TMEM117: variants seen among roughly 807,000 people sequenced by gnomAD.
The protein encoded by TMEM117 is transmembrane protein 117.
In TMEM117, 27 loss-of-function variants were observed where a neutral mutation model predicts 52.4. The observed-to-expected ratio is 0.51, with a 90% CI of 0.38 to 0.71. The LOEUF is 0.71. Among genes scored for constraint, TMEM117 ranks in the 30% least tolerant of loss-of-function variants. The pLI is 0.00. For missense variants in TMEM117, 556 were observed against 630.5 expected, an observed-to-expected ratio of 0.88 and a Z score of 1.26; for synonymous variants, 215 against 206.3, an observed-to-expected ratio of 1.04 and a Z score of -0.36.
At chr12:44,310,505 G>T (rs1950960557) in intron 6 of TMEM117, among the ~76,000 whole-genome samples, 1 of 152,186 alleles carries the variant, frequency 6.6e-6, no homozygotes, top group African/African-American at 2.4e-5. Context: ...AGGTGTGGTG[G>T]CATATGCCTA....
chr12:43,928,118 T>A (rs1944810776), intron 2 of TMEM117, among the ~76,000 whole-genome samples: 1 of 152,048 alleles, frequency 6.6e-6, no homozygotes, highest in African/African-American at 2.4e-5. Context: ...CTATGTATAT[T>A]TAAAAAGCTA....
At chr12:43,861,580 TGAAA>T (rs1352989512) in intron 2 of TMEM117, among the ~76,000 whole-genome samples, 1 of 152,234 alleles carries the variant, frequency 6.6e-6, no homozygotes, top group East Asian at 1.9e-4. Context: ...AAATTGAATA[TGAAA>T]GAAGAATATT....
Position 44,250,890 on chromosome 12 carries a change from G to A in TMEM117, c.608+39503G>A, listed in dbSNP as rs573382863. On this transcript the variant is annotated intron_variant, in intron 5 of 7. Coordinates refer to ENST00000266534, the MANE Select transcript of TMEM117 (RefSeq NM_032256.3). ...ATTAGGACAAATAGTTAATGCATGC[G>A]GGGCTTAAAACCTGGATGACAGGTT... Among the ~76,000 whole-genome samples, 23 of 152,070 alleles carry A rather than the reference G, an allele frequency of 1.5e-4. No homozygotes were observed. The South Asian group carries it at 4.1e-3, about 27-fold the overall frequency.
At chr12:44,092,138 C>A (rs548797654) in intron 3 of TMEM117, among the ~76,000 whole-genome samples, 73 of 152,084 alleles carry the variant, frequency 4.8e-4, no homozygotes, top group Non-Finnish European at 8.8e-4. Context: ...GTGAAGAATC[C>A]GATATGTATC....
chr12:44,119,636 ATCGTCT>A (rs1948201215), intron 3 of TMEM117, among the ~76,000 whole-genome samples: 1 of 152,246 alleles, frequency 6.6e-6, no homozygotes, highest in Admixed American at 6.5e-5. Context: ...CACACCCCAG[ATCGTCT>A]TCCTGACTAC....
intron 2 of TMEM117, among the ~76,000 whole-genome samples, chr12:43,847,654 A>T (rs754610274): frequency 1.8e-4 from 28 of 152,228 alleles, no homozygotes; most frequent in Non-Finnish European, 2.9e-5. Flanking sequence ...GTCATCCAGA[A>T]GAGAATTTCA....
intron 6 of TMEM117, among the ~76,000 whole-genome samples, chr12:44,345,085 T>C (rs1267121088): frequency 6.6e-6 from 1 of 151,642 alleles, no homozygotes; most frequent in African/African-American, 2.4e-5. Flanking sequence ...ACAGGCTGGG[T>C]TGGACTTGGG....
rs374810690 is a variant in TMEM117 at position 44,388,130 on chromosome 12, G to A, written c.1003G>A (p.Gly335Ser). 21 of 1,612,796 alleles carry A rather than the reference G, an allele frequency of 1.3e-5. No homozygotes were observed. Among genetic ancestry groups the A allele is most frequent in the South Asian group, 5.5e-5 (5 of 91,052 alleles). Reference protein sequence around the residue: ...YKPHEYGQYIGPGQKIYTVKD... With the variant: ...YKPHEYGQYISPGQKIYTVKD... Reference sequence around the variant, plus strand: ...ACCTCATGAATATGGGCAATATATCGGCCCGGGGCAGAAGATATATACAGT... The same window carrying A: ...ACCTCATGAATATGGGCAATATATCAGCCCGGGGCAGAAGATATATACAGT... The change falls in exon 8 of 8, where the codon GGC becomes AGC. Residue 335 changes from glycine (G) to serine (S), a missense_variant. By Grantham distance (56) the Gly-to-Ser change is moderately conservative. Around this residue, in one of 3 missense-constraint regions of TMEM117, gnomAD observed 22 missense variants for 48.1 expected, o/e 0.46. Coordinates refer to ENST00000266534, the MANE Select transcript of TMEM117 (RefSeq NM_032256.3).
the TMEM117 span, among the ~76,000 whole-genome samples, chr12:43,796,772 T>C: frequency 6.6e-6 from 1 of 152,082 alleles, no homozygotes; most frequent in Non-Finnish European, 1.5e-5. Context: ...AATAGCCACA[T>C]GTGGCTTACT....
chr12:43,810,083 G>C, the TMEM117 span, among the ~76,000 whole-genome samples: 5,971 of 151,414 alleles, frequency 0.039, 140 homozygotes, highest in African/African-American at 0.048. Context: ...GGAACACTTT[G>C]GTTCAAAAGA....
intron 3 of TMEM117, among the ~76,000 whole-genome samples, chr12:43,998,235 A>G (rs1946063006): frequency 6.6e-6 from 1 of 152,232 alleles, no homozygotes; most frequent in Non-Finnish European, 1.5e-5. Context: ...CAGAAACAAA[A>G]TCATCCAGAC....
chr12:44,020,279 A>G (rs897340881), intron 3 of TMEM117, among the ~76,000 whole-genome samples: 4 of 152,156 alleles, frequency 2.6e-5, no homozygotes, highest in African/African-American at 7.2e-5. Flanking sequence ...CTTTTTTACT[A>G]TATGGAGCCC....
intron 3 of TMEM117, among the ~76,000 whole-genome samples, chr12:44,029,739 T>C (rs986894480): frequency 2.0e-5 from 3 of 152,242 alleles, no homozygotes; most frequent in Non-Finnish European, 4.4e-5. Context: ...TGTGTGTCTT[T>C]CTGTGTTCTA....
chr12:43,991,736 G>C (rs1945945068), intron 3 of TMEM117, among the ~76,000 whole-genome samples: 1 of 152,178 alleles, frequency 6.6e-6, no homozygotes, highest in Non-Finnish European at 1.5e-5. Flanking sequence ...GCAAGAGTGA[G>C]AGCAAGAGAG....
At chr12:43,959,622 T>C (rs1328053555) in intron 3 of TMEM117, among the ~76,000 whole-genome samples, 2 of 152,172 alleles carry the variant, frequency 1.3e-5, no homozygotes, top group African/African-American at 2.4e-5. Context: ...TCACTTCTTA[T>C]TGCTCTTCAA....
intron 2 of TMEM117, among the ~76,000 whole-genome samples, chr12:43,847,742 G>C (rs551891992): frequency 6.6e-6 from 1 of 152,164 alleles, no homozygotes; most frequent in Admixed American, 6.6e-5. Flanking sequence ...GAGAGTTCTA[G>C]TAAAAGCATT....
At chr12:44,124,139 CTAAG>C (rs1219666585) in intron 3 of TMEM117, among the ~76,000 whole-genome samples, 1 of 151,950 alleles carries the variant, frequency 6.6e-6, no homozygotes, top group African/African-American at 2.4e-5. Flanking sequence ...AGCTGTATTC[CTAAG>C]TATTTTATTC....
intron 3 of TMEM117, among the ~76,000 whole-genome samples, chr12:43,946,617 G>T (rs1945138236): frequency 6.6e-6 from 1 of 152,062 alleles, no homozygotes; most frequent in African/African-American, 2.4e-5. Context: ...CATGGAATAG[G>T]AGTTATTACC....
rs35047531 is a variant in TMEM117, at chr12:44,308,619, C to CTTTTT, written c.768+8894_768+8898dup. Among the ~76,000 whole-genome samples, 31 of 137,936 alleles carry CTTTTT rather than the reference C, an allele frequency of 2.2e-4. No individual in the cohort carries two copies. In the South Asian group the frequency reaches 5.3e-3, roughly 24 times the overall value. The allele number at this position is 137,936 out of a possible 152,430, so 90.5% of individuals were successfully genotyped here. A position where few individuals can be genotyped will look rare whatever the true frequency, so the allele number is the denominator to read the frequency against. On this transcript the variant is annotated intron_variant, in intron 6 of 7. Transcript: ENST00000266534. Reference sequence around the variant, plus strand: ...GATCTGATGGACTGATTCTTTGTAACTTTTTTTTTTTTTTTTTTGAGACAG... The same window carrying CTTTTT: ...GATCTGATGGACTGATTCTTTGTAACTTTTTTTTTTTTTTTTTTTTTTTGAGACAG...
Sources: gnomAD v4.1 joint callset for allele counts (sites outside exome capture counted in the v4.1 genomes callset) on GRCh38, gnomAD v4.1.1 for gene constraint, gnomAD v4.1.1 regional missense constraint, MANE v1.5 for transcripts, NCBI Gene and HGNC (gene_info 2026-07-23, HGNC 2026-07-21) for gene names.